Variants in TSHZ2 observed in about 807,000 individuals in gnomAD.
TSHZ2 encodes the protein teashirt zinc finger homeobox 2.
Under a neutral mutation model 74.4 loss-of-function variants are expected in TSHZ2, and 21 were observed. That is an observed-to-expected ratio of 0.28 (90% CI 0.20 to 0.41). TSHZ2 has a LOEUF of 0.41. Ranked by LOEUF, TSHZ2 falls within the 10% of genes least tolerant of loss-of-function variation. The probability of loss-of-function intolerance (pLI) is 1.00; values close to 1 mark genes in which losing one functional copy is unlikely to be tolerated. For missense variants in TSHZ2, 1,244 were observed against 1,293.5 expected, an observed-to-expected ratio of 0.96 and a Z score of 0.59; for synonymous variants, 540 against 515.3, an observed-to-expected ratio of 1.05 and a Z score of -0.65.
intron 1 of TSHZ2, among the ~76,000 whole-genome samples, chr20:53,147,618 G>T (rs1270417021): frequency 6.6e-6 from 1 of 152,206 alleles, no homozygotes; most frequent in Non-Finnish European, 1.5e-5. Flanking sequence ...TGTGATTTGT[G>T]TGAGACTAAG....
In TSHZ2 at chr20:53,002,147, T is replaced by C. The variant is rs1462007026; in HGVS notation, c.40+28814T>C. 2.0e-5 allele frequency among the ~76,000 whole-genome samples: 3 copies of C among 152,190 alleles called. No individual in the cohort carries two copies. In the East Asian group the frequency reaches 5.8e-4, roughly 29 times the overall value. ...GCCACACAGGCTTTGGGTGAATTTTTGCATTTTAATTCTCACCCCAGTAAA... is the reference window on the plus strand; with the variant it reads ...GCCACACAGGCTTTGGGTGAATTTTCGCATTTTAATTCTCACCCCAGTAAA... On this transcript the variant is annotated intron_variant, in intron 1 of 2. Coordinates refer to ENST00000371497, the MANE Select transcript of TSHZ2 (RefSeq NM_173485.6).
chr20:53,004,145 C>T (rs544051435), intron 1 of TSHZ2, among the ~76,000 whole-genome samples: 1 of 152,104 alleles, frequency 6.6e-6, no homozygotes, highest in Non-Finnish European at 1.5e-5. Flanking sequence ...CCACTCCCCC[C>T]CTCCAATTAA....
At chr20:53,270,971 ACT>A (rs1340854555) in intron 2 of TSHZ2, among the ~76,000 whole-genome samples, 1 of 151,350 alleles carries the variant, frequency 6.6e-6, no homozygotes, top group Non-Finnish European at 1.5e-5. Flanking sequence ...CTTTCGTTAG[ACT>A]CTCCCGTGAG....
intron 2 of TSHZ2, among the ~76,000 whole-genome samples, chr20:53,459,157 T>C (rs1985243793): frequency 1.3e-5 from 2 of 152,282 alleles, no homozygotes; most frequent in South Asian, 4.1e-4. Flanking sequence ...GACAGTGGGG[T>C]GTTAAAGACT....
intron 2 of TSHZ2, among the ~76,000 whole-genome samples, chr20:53,407,276 G>A (rs1982888143): frequency 6.6e-6 from 1 of 152,054 alleles, no homozygotes. Context: ...CACCCACCAA[G>A]CCCTCCAGCA....
intron 1 of TSHZ2, among the ~76,000 whole-genome samples, chr20:52,976,077 G>A (rs1981326242): frequency 6.6e-6 from 1 of 152,290 alleles, no homozygotes; most frequent in Middle Eastern, 3.4e-3. Flanking sequence ...ACTGTTCCAG[G>A]CAATTTGATT....
At chr20:52,998,101 T>A (rs1982273184) in intron 1 of TSHZ2, among the ~76,000 whole-genome samples, 1 of 152,232 alleles carries the variant, frequency 6.6e-6, no homozygotes, top group African/African-American at 2.4e-5. Context: ...CCTTTCTGAC[T>A]TGAAATCCTC....
At chr20:53,316,448 A>G (rs1292187856) in intron 2 of TSHZ2, among the ~76,000 whole-genome samples, 2 of 152,178 alleles carry the variant, frequency 1.3e-5, no homozygotes, top group Admixed American at 1.3e-4. Context: ...CCTGAAATGC[A>G]GGCAGAGAAA....
intron 1 of TSHZ2, among the ~76,000 whole-genome samples, chr20:53,154,362 C>A (rs1987744835): frequency 6.6e-6 from 1 of 152,108 alleles, no homozygotes; most frequent in Admixed American, 6.6e-5. Context: ...AAATAAGTGT[C>A]TTTTCCCATG....
At chr20:53,138,104 C>G (rs1019957816) in intron 1 of TSHZ2, among the ~76,000 whole-genome samples, 30 of 152,086 alleles carry the variant, frequency 2.0e-4, no homozygotes, top group African/African-American at 6.0e-4. Context: ...TATCAGTGGC[C>G]GGGCGCAGTG....
rs1600702625 is a variant in TSHZ2, at chr20:53,126,051, T to C, written c.41-127448T>C. On this transcript the variant is annotated intron_variant, in intron 1 of 2. Transcript: ENST00000371497. ...GTGTTTTAAATGCACATTTATGAAA[T>C]TCCCAGATTCATGGGACTCTTGATG... Among the ~76,000 whole-genome samples the C allele has an allele frequency of 2.0e-5, 3 of 152,340 alleles. No homozygotes were observed. In the South Asian group the frequency reaches 6.2e-4, roughly 32 times the overall value.
intron 1 of TSHZ2, among the ~76,000 whole-genome samples, chr20:52,984,841 T>G (rs1981695516): frequency 6.6e-6 from 1 of 152,116 alleles, no homozygotes; most frequent in African/African-American, 2.4e-5. Context: ...ACCACAAGTT[T>G]GCAGGCAGGG....
At chr20:53,273,508 C>T (rs781109931) in intron 2 of TSHZ2, 11 of 152,270 alleles carry the variant, frequency 7.2e-5, no homozygotes, top group Admixed American at 2.6e-4. Context: ...AGACTGCTCT[C>T]GAACTCCTGA....
intron 2 of TSHZ2, among the ~76,000 whole-genome samples, chr20:53,389,004 G>A (rs1418983556): frequency 6.6e-6 from 1 of 152,174 alleles, no homozygotes; most frequent in East Asian, 1.9e-4. Context: ...TCCAGTGGAT[G>A]ATTATTCATT....
At chr20:53,165,043 T>A (rs1307750586) in intron 1 of TSHZ2, among the ~76,000 whole-genome samples, 1 of 152,120 alleles carries the variant, frequency 6.6e-6, no homozygotes, top group Non-Finnish European at 1.5e-5. Context: ...ATTACACTTG[T>A]CACAGAGGCT....
intron 1 of TSHZ2, among the ~76,000 whole-genome samples, chr20:53,032,480 A>G (rs1201408226): frequency 6.6e-6 from 1 of 152,176 alleles, no homozygotes; most frequent in Non-Finnish European, 1.5e-5. Context: ...TGATGCCAAA[A>G]ATGGGAAGAA....
intron 1 of TSHZ2, among the ~76,000 whole-genome samples, chr20:53,084,682 CCTCCCTCCCTCT>C (rs1206282261): frequency 6.3e-4 from 49 of 77,180 alleles, no homozygotes; most frequent in South Asian, 7.6e-4. Flanking sequence ...TCCCTCCCTC[CCTCCCTCCCTCT>C]CTCCCTCTCT....
At chr20:53,240,667 C>T (rs557964943) in intron 1 of TSHZ2, among the ~76,000 whole-genome samples, 1 of 151,534 alleles carries the variant, frequency 6.6e-6, no homozygotes, top group South Asian at 2.1e-4. Flanking sequence ...ATCATTTACT[C>T]CCAGAAGCAA....
At chr20:53,479,364 C>CAGAGTAACAA (rs1986084908) in intron 2 of TSHZ2, among the ~76,000 whole-genome samples, 1 of 152,056 alleles carries the variant, frequency 6.6e-6, no homozygotes, top group Non-Finnish European at 1.5e-5. Context: ...GTTATATGGA[C>CAGAGTAACAA]CACCCTCAGA....
Sources: allele counts gnomAD v4.1 joint callset (sites outside exome capture counted in the v4.1 genomes callset), GRCh38; gene constraint gnomAD v4.1.1; transcripts MANE v1.5; gene names NCBI Gene and HGNC (gene_info 2026-07-23, HGNC 2026-07-21).